TNR: variants seen among roughly 807,000 people sequenced by gnomAD.
TNR encodes the protein tenascin R.
A neutral mutation model predicts 150.4 loss-of-function variants in TNR; 45 were observed. The ratio of observed to expected loss-of-function variants is 0.30; its 90% CI spans 0.24 to 0.38. TNR has a LOEUF of 0.38. TNR is among the 10% of genes least tolerant of loss of function. The pLI, the probability that TNR is intolerant of heterozygous loss-of-function variation, is 1.00. For missense variants in TNR, 1,544 were observed against 1,759.1 expected (o/e 0.88, Z 2.19); for synonymous variants, 687 against 678.4 (o/e 1.01, Z -0.20).
At chr1:175,486,528 A>T (rs1444090594) in intron 2 of TNR, among the ~76,000 whole-genome samples, 2 of 152,146 alleles carry the variant, frequency 1.3e-5, no homozygotes, top group Non-Finnish European at 2.9e-5. Flanking sequence ...TCTATCATTG[A>T]TGGGCATTTG....
At chr1:175,703,661 A>G (rs527381929) in intron 1 of TNR, among the ~76,000 whole-genome samples, 1 of 152,344 alleles carries the variant, frequency 6.6e-6, no homozygotes, top group East Asian at 1.9e-4. Context: ...ACAAATGAGC[A>G]AAAGATATGA....
chr1:175,376,696 A>G (rs1289052426), intron 9 of TNR, among the ~76,000 whole-genome samples: 3 of 152,122 alleles, frequency 2.0e-5, no homozygotes. Flanking sequence ...TGCCTCAGCA[A>G]GAGAACCAAC....
intron 8 of TNR, among the ~76,000 whole-genome samples, chr1:175,385,610 A>G (rs1339370377): frequency 6.6e-6 from 1 of 152,220 alleles, no homozygotes; most frequent in Admixed American, 6.5e-5. Context: ...GTAGGTTTAT[A>G]GAATTATTAT....
intron 18 of TNR, among the ~76,000 whole-genome samples, chr1:175,342,101 A>G (rs1341133734): frequency 1.3e-5 from 2 of 152,228 alleles, no homozygotes; most frequent in African/African-American, 4.8e-5. Context: ...AAAGATGGGA[A>G]TATAAAGAAG....
chr1:175,372,685 G>T (rs6675015), intron 9 of TNR, among the ~76,000 whole-genome samples: 30,982 of 152,144 alleles, frequency 0.2, 3,231 homozygotes, highest in African/African-American at 0.22. Flanking sequence ...GGAGAAGGAG[G>T]CCCAAGGAAC....
chr1:175,479,033 G>C (rs887779940), intron 2 of TNR, among the ~76,000 whole-genome samples: 1 of 152,080 alleles, frequency 6.6e-6, no homozygotes, highest in Admixed American at 6.5e-5. Context: ...CTTTACAATA[G>C]GTGCTTGACA....
chr1:175,627,320 T>A (rs1342759119), intron 1 of TNR, among the ~76,000 whole-genome samples: 1 of 152,194 alleles, frequency 6.6e-6, no homozygotes. Context: ...AAAACTCTGA[T>A]CCTTAGATCA....
intron 2 of TNR, among the ~76,000 whole-genome samples, chr1:175,486,288 C>G (rs141860437): frequency 6.6e-6 from 1 of 151,572 alleles, no homozygotes; most frequent in East Asian, 1.9e-4. Flanking sequence ...CCCCACCCCT[C>G]GACAGGCCCT....
intron 2 of TNR, among the ~76,000 whole-genome samples, chr1:175,416,930 C>T (rs1459758125): frequency 6.6e-6 from 1 of 151,906 alleles, no homozygotes; most frequent in Non-Finnish European, 1.5e-5. Context: ...ATGGCGTGAA[C>T]CCGGGAGGCG....
intron 1 of TNR, among the ~76,000 whole-genome samples, chr1:175,603,337 C>A (rs1571665598): frequency 6.6e-6 from 1 of 152,296 alleles, no homozygotes; most frequent in African/African-American, 2.4e-5. Flanking sequence ...GCTTCAAGCC[C>A]AGGCATTCCT....
chr1:175,684,575 T>C (rs1666132875), intron 1 of TNR, among the ~76,000 whole-genome samples: 1 of 152,174 alleles, frequency 6.6e-6, no homozygotes. Context: ...GCTAGGACTG[T>C]AAAATTTCCA....
intron 2 of TNR, among the ~76,000 whole-genome samples, chr1:175,513,203 T>C (rs1386073179): frequency 2.0e-5 from 3 of 152,188 alleles, no homozygotes; most frequent in Non-Finnish European, 4.4e-5. Context: ...TCTCTCTGTC[T>C]TCCCCACTAC....
chr1:175,348,478 C>T (rs957217854), intron 18 of TNR, among the ~76,000 whole-genome samples: 2 of 151,958 alleles, frequency 1.3e-5, no homozygotes, highest in Non-Finnish European at 2.9e-5. Context: ...AAGTCAACCT[C>T]GAAATGAAAA....
At chr1:175,651,083 C>CTCCT (rs1311355046) in intron 1 of TNR, among the ~76,000 whole-genome samples, 2 of 46,358 alleles carry the variant, frequency 4.3e-5, no homozygotes, top group Non-Finnish European at 9.1e-5. Context: ...CTCATTACTC[C>CTCCT]CCCCCACCTC....
rs970447361 is a variant in TNR, at chr1:175,361,739, G to C, written c.2854+924C>G. The stretch of plus-strand genomic sequence containing the variant: ...TGAGGCAAGCTGGATGTTTTCCCAC[G>C]TGCTGTGGGAATGATGGCTTAACTA... On this transcript the variant is annotated intron_variant, in intron 14 of 22. Coordinates refer to ENST00000367674, the MANE Select transcript of TNR (RefSeq NM_003285.3). Among the ~76,000 whole-genome samples, 6 of 152,196 alleles carry C rather than the reference G, an allele frequency of 3.9e-5. 1 individual carries two copies. Among genetic ancestry groups the C allele is most frequent in the Admixed American group, 3.3e-4 (5 of 15,282 alleles).
intron 2 of TNR, among the ~76,000 whole-genome samples, chr1:175,435,529 G>A (rs886272259): frequency 3.3e-5 from 5 of 152,304 alleles, no homozygotes; most frequent in South Asian, 2.1e-4. Flanking sequence ...TGAGGGGAAC[G>A]TTGAATATAC....
At chr1:175,334,474 G>T (rs1650123603) in intron 20 of TNR, among the ~76,000 whole-genome samples, 1 of 152,338 alleles carries the variant, frequency 6.6e-6, no homozygotes, top group East Asian at 1.9e-4. Context: ...ACTGCTCAGG[G>T]TCATGTGGCC....
intron 1 of TNR, among the ~76,000 whole-genome samples, chr1:175,598,462 G>A (rs772335615): frequency 4.6e-5 from 7 of 152,198 alleles, no homozygotes; most frequent in Non-Finnish European, 8.8e-5. Context: ...ATTAAATGCT[G>A]CAGGAATTCA....
intron 14 of TNR, 126 bp from the exon 15 acceptor site, chr1:175,359,857 C>A: frequency 8.2e-7 from 1 of 1,213,938 alleles, no homozygotes; most frequent in East Asian, 2.8e-5. Context: ...AAGAAGTGAG[C>A]AGAAACCTCT....
Sources: gnomAD v4.1 joint callset for allele counts (sites outside exome capture counted in the v4.1 genomes callset) on GRCh38, gnomAD v4.1.1 for gene constraint, MANE v1.5 for transcripts, NCBI Gene and HGNC (gene_info 2026-07-23, HGNC 2026-07-21) for gene names.